The following FIG4 variants were observed in gnomAD, a reference collection of about 807,000 sequenced individuals.
The protein encoded by FIG4 is polyphosphoinositide phosphatase.
FIG4 carries 112 observed loss-of-function variants against 118.6 expected under a neutral mutation model. The ratio of observed to expected loss-of-function variants is 0.94; its 90% confidence interval spans 0.81 to 1.11. The LOEUF (loss-of-function observed/expected upper bound fraction) is 1.11. Ranked by LOEUF, FIG4 falls within the 50% of genes least tolerant of loss-of-function variation. FIG4 has a pLI of 0.00. For synonymous variants in FIG4, 369 were observed against 381.2 expected (o/e 0.97, Z 0.37); for missense variants, 969 against 1,111.7 (o/e 0.87, Z 1.83).
intron 11 of FIG4, among the ~76,000 whole-genome samples, chr6:109,761,522 A>T (rs1777105397): frequency 6.6e-6 from 1 of 152,140 alleles, no homozygotes; most frequent in Non-Finnish European, 1.5e-5. Context: ...AGTAGCTGGG[A>T]CTACAGGCAC....
chr6:109,798,926 T>C (rs1184035911), intron 22 of FIG4, among the ~76,000 whole-genome samples: 2 of 152,064 alleles, frequency 1.3e-5, no homozygotes, highest in Non-Finnish European at 2.9e-5. Flanking sequence ...GAAATAGATA[T>C]GTCCAAGGAA....
At chr6:109,824,947 TG>T in intron 22 of FIG4, 140 bp from the exon 23 acceptor site, 1 of 757,086 alleles carries the variant, frequency 1.3e-6, no homozygotes. Context: ...TCGCAAGGAC[TG>T]GGGAGGTCAT....
At chr6:109,812,891 G>A (rs1778759511) in intron 22 of FIG4, among the ~76,000 whole-genome samples, 1 of 152,178 alleles carries the variant, frequency 6.6e-6, no homozygotes, top group Non-Finnish European at 1.5e-5. Context: ...CAGATGCTGG[G>A]CACTGGACAG....
rs571649446 is a variant in FIG4, at chr6:109,795,095, G to GTTTTTTT, written c.2460-1636_2460-1630dup. Reference sequence around the variant, plus strand: ...TCCTCAAAGCTTCATACACTTGCCAGTTTTTTTTTTTTTTTTTTTTTTTTT... The same window carrying GTTTTTTT: ...TCCTCAAAGCTTCATACACTTGCCAGTTTTTTTTTTTTTTTTTTTTTTTTTTTTTTTT... On this transcript the variant is annotated intron_variant, in intron 21 of 22. Transcript: ENST00000230124. 3.0e-3 allele frequency among the ~76,000 whole-genome samples: 173 copies of GTTTTTTT among 57,248 alleles called. 55 individuals are homozygous for GTTTTTTT. Among genetic ancestry groups the GTTTTTTT allele is most frequent in the Non-Finnish European group, 5.1e-3 (145 of 28,708 alleles). 37.6% of individuals were successfully genotyped at this position (57,248 alleles called of 152,430 possible). A position where few individuals can be genotyped will look rare whatever the true frequency, so the allele number is the denominator to read the frequency against.
intron 10 of FIG4, among the ~76,000 whole-genome samples, chr6:109,751,944 C>T (rs1173162192): frequency 6.8e-6 from 1 of 148,082 alleles, no homozygotes; most frequent in Non-Finnish European, 1.5e-5. Context: ...CCCATTAACT[C>T]GTCGTTTAGC....
At chr6:109,777,410 C>G (rs1413454990) in intron 16 of FIG4, among the ~76,000 whole-genome samples, 1 of 152,140 alleles carries the variant, frequency 6.6e-6, no homozygotes, top group African/African-American at 2.4e-5. Flanking sequence ...TGTATTTTCT[C>G]TAAGATATGA....
chr6:109,752,685 T>A (rs1178565540), intron 10 of FIG4, among the ~76,000 whole-genome samples: 1 of 151,868 alleles, frequency 6.6e-6, no homozygotes, highest in Non-Finnish European at 1.5e-5. Flanking sequence ...TTGATGGGGC[T>A]GTTTGTTTTT....
At chr6:109,760,691 G>T (rs1370134800) in intron 11 of FIG4, among the ~76,000 whole-genome samples, 8 of 152,094 alleles carry the variant, frequency 5.3e-5, no homozygotes, top group Admixed American at 5.2e-4. Flanking sequence ...CACTTTCTCA[G>T]ATGTCACTCG....
chr6:109,715,075 T>C lies in FIG4; in HGVS notation c.67-3T>C, dbSNP rs1276228919. On this transcript the variant is annotated splice_polypyrimidine_tract_variant and splice_region_variant and intron_variant, in intron 1 of 22. Coordinates refer to ENST00000230124, the MANE Select transcript of FIG4 (RefSeq NM_014845.6). The stretch of plus-strand genomic sequence containing the variant: ...AACTAATGACATTCCTTTTTATTTA[T>C]AGAGATACTTTCTAGTTGGGAGCAA... 6.6e-7 allele frequency: 1 copy of C among 1,522,552 alleles called. No homozygotes were observed. The highest frequency in any genetic ancestry group is 1.1e-5 in the South Asian group (1 of 89,174). 94.3% of individuals were successfully genotyped at this position (1,522,552 alleles called of 1,614,324 possible). A position where few individuals can be genotyped will look rare whatever the true frequency, so the allele number is the denominator to read the frequency against.
At chr6:109,797,510 A>G (rs1396613666) in intron 22 of FIG4, among the ~76,000 whole-genome samples, 1 of 152,140 alleles carries the variant, frequency 6.6e-6, no homozygotes, top group Non-Finnish European at 1.5e-5. Context: ...ATTCATCATT[A>G]TTGCCTGCTT....
chr6:109,776,730 A>G (rs1471841810), intron 15 of FIG4, among the ~76,000 whole-genome samples, 192 bp from the exon 16 acceptor site: 2 of 152,180 alleles, frequency 1.3e-5, no homozygotes, highest in Admixed American at 1.3e-4. Flanking sequence ...ACAAAGAGGA[A>G]ACATTTTGAA....
At chr6:109,759,050 A>G (rs962219550) in intron 10 of FIG4, among the ~76,000 whole-genome samples, 1 of 152,200 alleles carries the variant, frequency 6.6e-6, no homozygotes, top group Admixed American at 6.5e-5. Flanking sequence ...TGATTCCTCA[A>G]GGATCTAGAA....
At chr6:109,710,909 TAAA>T (rs1554298937) in intron 1 of FIG4, among the ~76,000 whole-genome samples, 1 of 149,480 alleles carries the variant, frequency 6.7e-6, no homozygotes, top group Non-Finnish European at 1.5e-5. Context: ...TATTAGTTTT[TAAA>T]AAAAAAAAAT....
At chr6:109,704,776 G>A (rs543265891) in intron 1 of FIG4, among the ~76,000 whole-genome samples, 117 of 151,174 alleles carry the variant, frequency 7.7e-4, no homozygotes, top group African/African-American at 2.7e-3. Flanking sequence ...TTAAAAAGAT[G>A]TAACATAACT....
rs786200937 is a variant in FIG4 at position 109,741,497 on chromosome 6, AGTAAATTT to A, written c.831_838del (p.Lys278TrpfsTer6). 68 of 1,613,352 alleles carry A rather than the reference AGTAAATTT, an allele frequency of 4.2e-5. No homozygotes were observed. The highest frequency in any genetic ancestry group is 5.8e-5 in the Non-Finnish European group (68 of 1,179,522). ...TGTCACTCTAATAGCTAGAAGATCC[AGTAAATTT>A]GCTGGCACCCGTTTTCTTAAAAGAG... On this transcript the variant is annotated frameshift_variant, in exon 8 of 23. Transcript: ENST00000230124. LOFTEE classifies it high-confidence loss of function.
intron 1 of FIG4, among the ~76,000 whole-genome samples, chr6:109,711,786 G>A (rs533589823): frequency 6.8e-4 from 103 of 152,174 alleles, no homozygotes; most frequent in Middle Eastern, 3.4e-3. Flanking sequence ...GAATTGATAC[G>A]TGTGAACCTA....
In FIG4 at chr6:109,786,244, G is replaced by A. The variant is rs546971374; in HGVS notation, c.1949-58G>A. 209 of 1,467,314 alleles carry A rather than the reference G, an allele frequency of 1.4e-4. No individual in the cohort carries two copies. The Admixed American group carries it at 3.5e-3, about 24-fold the overall frequency. The allele number at this position is 1,467,314 out of a possible 1,614,324, so 90.9% of individuals were successfully genotyped here. ...GTCTGTGAACACAGTTAATATTATG[G>A]AAATGTTTGCTTGCTATAATCTCAG... On this transcript the variant is annotated intron_variant, in intron 17 of 22. Transcript: ENST00000230124.
At chr6:109,809,103 T>G (rs942416741) in intron 22 of FIG4, among the ~76,000 whole-genome samples, 1 of 152,216 alleles carries the variant, frequency 6.6e-6, no homozygotes, top group Non-Finnish European at 1.5e-5. Context: ...CTTGTCAAAT[T>G]TTGTTGTAGT....
chr6:109,819,758 C>T (rs1043862419), intron 22 of FIG4, among the ~76,000 whole-genome samples: 9 of 152,130 alleles, frequency 5.9e-5, no homozygotes, highest in Non-Finnish European at 1.2e-4. Flanking sequence ...CATGACTCAC[C>T]ATGGCCATGT....
Sources: gnomAD v4.1 joint callset for allele counts (sites outside exome capture counted in the v4.1 genomes callset) on GRCh38, gnomAD v4.1.1 for gene constraint, MANE v1.5 for transcripts, NCBI Gene and HGNC (gene_info 2026-07-23, HGNC 2026-07-21) for gene names.